CADPS: variants seen among roughly 807,000 people sequenced by gnomAD.
CADPS encodes the protein calcium-dependent secretion activator 1.
Under a neutral mutation model 167.3 loss-of-function variants are expected in CADPS, and 57 were observed. The observed-to-expected ratio is 0.34, with a 90% CI of 0.28 to 0.42. The LOEUF (loss-of-function observed/expected upper bound fraction) is 0.42, where lower values mean the gene tolerates loss of function less well. CADPS is among the 20% of genes least tolerant of loss of function. The probability of loss-of-function intolerance (pLI) is 1.00; values close to 1 mark genes in which losing one functional copy is unlikely to be tolerated. For missense variants in CADPS, 1,414 were observed against 1,738.1 expected (o/e 0.81, Z 3.32); for synonymous variants, 676 against 635.3 (o/e 1.06, Z -0.96).
chr3:62,509,291 C>CAAAAAA (rs756659299), intron 17 of CADPS, among the ~76,000 whole-genome samples: 1 of 103,130 alleles, frequency 9.7e-6, no homozygotes, highest in African/African-American at 3.8e-5. Context: ...GACTCTGTCT[C>CAAAAAA]AAAAAAAAAA....
At chr3:62,511,817 C>T (rs2067900541) in intron 17 of CADPS, among the ~76,000 whole-genome samples, 1 of 152,072 alleles carries the variant, frequency 6.6e-6, no homozygotes, top group African/African-American at 2.4e-5. Flanking sequence ...ATAGCCGTTT[C>T]CCTCTTGTTT....
chr3:62,508,709 A>G (rs2067145518), intron 17 of CADPS, among the ~76,000 whole-genome samples: 1 of 152,228 alleles, frequency 6.6e-6, no homozygotes, highest in Non-Finnish European at 1.5e-5. Flanking sequence ...GGTCATGGTG[A>G]GAATTAAATG....
At chr3:62,622,271 C>G (rs759094138) in intron 6 of CADPS, among the ~76,000 whole-genome samples, 7 of 152,100 alleles carry the variant, frequency 4.6e-5, no homozygotes, top group Non-Finnish European at 1.0e-4. Context: ...TTGGATACTT[C>G]TCGCTCTCAA....
chr3:62,644,837 C>T (rs1012697215), intron 6 of CADPS, among the ~76,000 whole-genome samples: 3 of 152,168 alleles, frequency 2.0e-5, no homozygotes, highest in African/African-American at 7.2e-5. Context: ...GGTTCAGGTG[C>T]CTCCCACTAT....
chr3:62,580,512 C>G (rs2083211085), intron 8 of CADPS, among the ~76,000 whole-genome samples: 1 of 151,330 alleles, frequency 6.6e-6, no homozygotes, highest in Admixed American at 6.6e-5. Flanking sequence ...GTGCAGCACA[C>G]CAGCATGGCA....
At chr3:62,497,617 G>A (rs890866587) in intron 18 of CADPS, among the ~76,000 whole-genome samples, 3 of 152,138 alleles carry the variant, frequency 2.0e-5, no homozygotes, top group Admixed American at 2.0e-4. Context: ...TGTGCGTTGC[G>A]GATAGATGCT....
At chr3:62,498,356 G>A (rs2065156876) in intron 18 of CADPS, among the ~76,000 whole-genome samples, 2 of 152,076 alleles carry the variant, frequency 1.3e-5, no homozygotes, top group Admixed American at 6.5e-5. Flanking sequence ...TTTCCCCTTT[G>A]CTGTAAATCT....
At chr3:62,644,922 C>T (rs1383859021) in intron 6 of CADPS, among the ~76,000 whole-genome samples, 1 of 152,140 alleles carries the variant, frequency 6.6e-6, no homozygotes. Context: ...TTTCTGATGT[C>T]CCCATGAAAC....
At chr3:62,805,588 T>C (rs2094040965) in intron 1 of CADPS, among the ~76,000 whole-genome samples, 2 of 152,178 alleles carry the variant, frequency 1.3e-5, no homozygotes, top group South Asian at 2.1e-4. Context: ...TCCACAAACA[T>C]GTATCAGCAC....
At chr3:62,437,726 T>C (rs1016182718) in intron 28 of CADPS, among the ~76,000 whole-genome samples, 2 of 151,858 alleles carry the variant, frequency 1.3e-5, no homozygotes, top group African/African-American at 2.4e-5. Flanking sequence ...GGAGAGGGAG[T>C]TGGTCTCAGC....
chr3:62,595,422 C>G (rs1050418630), intron 6 of CADPS, among the ~76,000 whole-genome samples: 2 of 152,032 alleles, frequency 1.3e-5, no homozygotes, highest in African/African-American at 4.8e-5. Flanking sequence ...CAAATTCTGG[C>G]TTAGTCACTT....
chr3:62,540,739 G>T (rs944738634), intron 11 of CADPS, among the ~76,000 whole-genome samples: 1 of 152,048 alleles, frequency 6.6e-6, no homozygotes, highest in Non-Finnish European at 1.5e-5. Context: ...AAGAACTTGT[G>T]GGCGCTTCCC....
intron 6 of CADPS, among the ~76,000 whole-genome samples, chr3:62,645,396 T>A (rs1316148297): frequency 6.6e-6 from 1 of 152,180 alleles, no homozygotes; most frequent in Non-Finnish European, 1.5e-5. Context: ...TTTAGAAAAT[T>A]TAATAAAAGT....
intron 1 of CADPS, among the ~76,000 whole-genome samples, chr3:62,798,223 C>T (rs954031855): frequency 1.3e-5 from 2 of 152,064 alleles, no homozygotes; most frequent in African/African-American, 4.8e-5. Flanking sequence ...TGGAGTCAGT[C>T]GACTGGGAGA....
At chr3:62,536,367 C>T in intron 12 of CADPS, 78 bp downstream of exon 12, 2 of 1,257,992 alleles carry the variant, frequency 1.6e-6, no homozygotes, top group East Asian at 2.4e-5. Context: ...AAAAGAGCTT[C>T]TGACATAAAG....
At chr3:62,542,595 A>G (rs1221899064) in intron 11 of CADPS, among the ~76,000 whole-genome samples, 1 of 152,078 alleles carries the variant, frequency 6.6e-6, no homozygotes, top group African/African-American at 2.4e-5. Flanking sequence ...GCACAAATGG[A>G]CCACTTAATT....
chr3:62,599,490 T>C (rs1400683754), intron 6 of CADPS, among the ~76,000 whole-genome samples: 1 of 111,380 alleles, frequency 9.0e-6, no homozygotes, highest in Admixed American at 1.4e-4. Flanking sequence ...TCTTTTATTA[T>C]ATATATATTT....
chr3:62,480,974 C>T (rs1310238244), intron 22 of CADPS, among the ~76,000 whole-genome samples: 1 of 152,138 alleles, frequency 6.6e-6, no homozygotes, highest in African/African-American at 2.4e-5. Context: ...AGAAGTGGCC[C>T]ATGCAACTCT....
intron 28 of CADPS, 22 bp from the exon 29 acceptor site, chr3:62,403,207 C>A: frequency 6.6e-7 from 1 of 1,505,856 alleles, no homozygotes; most frequent in South Asian, 1.1e-5. Context: ...GACAAAAGTT[C>A]TCCAGCCAAC....
Sources: gnomAD v4.1 joint callset for allele counts (sites outside exome capture counted in the v4.1 genomes callset) on GRCh38, gnomAD v4.1.1 for gene constraint, MANE v1.5 for transcripts, NCBI Gene and HGNC (gene_info 2026-07-23, HGNC 2026-07-21) for gene names.